Variants in GARIN1B observed in about 807,000 individuals in gnomAD.
GARIN1B encodes the protein golgi associated RAB2 interactor 1B, also known as Golgi-associated RAB2 interactor protein 1B.
At chr7:128,718,109 C>G in the GARIN1B span, among the ~76,000 whole-genome samples, 6 of 152,250 alleles carry the variant, frequency 3.9e-5, no homozygotes, top group South Asian at 1.0e-3. Flanking sequence ...ACAAGCCAGA[C>G]AGTGGGGCAA....
chr7:128,714,987 G>C, the GARIN1B span, among the ~76,000 whole-genome samples: 55 of 152,304 alleles, frequency 3.6e-4, 1 homozygote, highest in South Asian at 0.01. Flanking sequence ...GGTGTCGGGG[G>C]CCCACATGCT....
chr7:128,729,354 T>C, the GARIN1B span, among the ~76,000 whole-genome samples: 1 of 152,216 alleles, frequency 6.6e-6, no homozygotes, highest in Non-Finnish European at 1.5e-5. Flanking sequence ...AACTTTAATG[T>C]CCAAACAGTC....
the GARIN1B span, chr7:128,724,731 A>G: frequency 7.8e-7 from 1 of 1,289,504 alleles, no homozygotes; most frequent in Non-Finnish European, 1.0e-6. Flanking sequence ...CCAGGAGAGA[A>G]AAATGAGGTG....
chr7:128,713,774 A>G, the GARIN1B span: 10 of 397,688 alleles, frequency 2.5e-5, no homozygotes, highest in South Asian at 1.5e-4. Context: ...CATCTCCCCA[A>G]CTGACTCTTG....
the GARIN1B span, among the ~76,000 whole-genome samples, chr7:128,719,515 G>GT: frequency 3.3e-5 from 5 of 151,784 alleles, no homozygotes; most frequent in East Asian, 9.7e-4. Context: ...ACCATTATCT[G>GT]TTTTTAGTCT....
the GARIN1B span, among the ~76,000 whole-genome samples, chr7:128,729,153 C>T: frequency 6.6e-6 from 1 of 152,168 alleles, no homozygotes; most frequent in Non-Finnish European, 1.5e-5. Flanking sequence ...GGCCTCCAGG[C>T]CCTCTTTTCT....
chr7:128,717,886 A>T, the GARIN1B span, among the ~76,000 whole-genome samples: 1 of 151,958 alleles, frequency 6.6e-6, no homozygotes, highest in Non-Finnish European at 1.5e-5. Context: ...AATAATCTGT[A>T]GGATATCTCA....
the GARIN1B span, chr7:128,718,840 A>C: frequency 1.2e-6 from 2 of 1,613,768 alleles, no homozygotes; most frequent in Non-Finnish European, 8.5e-7. Flanking sequence ...GGATTCTCCC[A>C]TTGAGGTTTG....
At chr7:128,717,483 A>G in the GARIN1B span, among the ~76,000 whole-genome samples, 1 of 143,212 alleles carries the variant, frequency 7.0e-6, no homozygotes, top group Admixed American at 7.2e-5. Context: ...AAAAAAGACT[A>G]TCGCCCAGGC....
the GARIN1B span, chr7:128,715,419 C>G: frequency 1.2e-6 from 2 of 1,609,164 alleles, no homozygotes; most frequent in African/African-American, 1.3e-5. Flanking sequence ...AAATGTGCAG[C>G]AGGCCCCTGA....
chr7:128,710,498 C>T, the GARIN1B span, among the ~76,000 whole-genome samples: 1 of 151,970 alleles, frequency 6.6e-6, no homozygotes, highest in South Asian at 2.1e-4. Context: ...CTCATTTCTC[C>T]CCAGTCAGTT....
chr7:128,709,248 T>G, the GARIN1B span: 1 of 152,206 alleles, frequency 6.6e-6, no homozygotes, highest in Non-Finnish European at 1.5e-5. Context: ...CACAATACTT[T>G]GGGGTCTTTG....
the GARIN1B span, chr7:128,715,696 C>T: frequency 6.2e-7 from 1 of 1,611,338 alleles, no homozygotes; most frequent in South Asian, 1.1e-5. Context: ...TCCAGGTATT[C>T]TTGGGTGGCG....
the GARIN1B span, chr7:128,731,218 A>G: frequency 9.1e-7 from 1 of 1,099,540 alleles, no homozygotes; most frequent in Non-Finnish European, 1.4e-6. Flanking sequence ...AGAAAACTGC[A>G]ACCAAGGAAG....
chr7:128,719,636 G>C, the GARIN1B span, among the ~76,000 whole-genome samples: 1 of 150,854 alleles, frequency 6.6e-6, no homozygotes, highest in Non-Finnish European at 1.5e-5. Flanking sequence ...CCATATTGTA[G>C]CATGGGGCCA....
At chr7:128,719,308 GT>G in the GARIN1B span, among the ~76,000 whole-genome samples, 1 of 151,738 alleles carries the variant, frequency 6.6e-6, no homozygotes, top group African/African-American at 2.4e-5. Context: ...TATATAAATT[GT>G]TTATTGTTTT....
At chr7:128,716,017 C>T in the GARIN1B span, among the ~76,000 whole-genome samples, 3 of 152,208 alleles carry the variant, frequency 2.0e-5, no homozygotes, top group Non-Finnish European at 4.4e-5. Flanking sequence ...AAAAGAGACG[C>T]TTCTTGAGAA....
chr7:128,716,793 G>C, the GARIN1B span: 2 of 1,589,288 alleles, frequency 1.3e-6, no homozygotes, highest in Admixed American at 3.5e-5. Context: ...CTCAGGTTGT[G>C]CCTGGGGGCT....
the GARIN1B span, chr7:128,726,794 A>G: frequency 6.2e-7 from 1 of 1,612,434 alleles, no homozygotes; most frequent in African/African-American, 1.3e-5. Flanking sequence ...CTTTACTTTC[A>G]ACTTTCATTT....
Sources: allele counts gnomAD v4.1 joint callset (sites outside exome capture counted in the v4.1 genomes callset), GRCh38; gene constraint gnomAD v4.1.1; transcripts MANE v1.5; gene names NCBI Gene and HGNC (gene_info 2026-07-23, HGNC 2026-07-21).